Variants in ARHGAP21 observed in about 807,000 individuals in gnomAD.
ARHGAP21 encodes the protein Rho GTPase activating protein 21, also known as rho GTPase-activating protein 21.
Under a neutral mutation model 164.6 loss-of-function variants are expected in ARHGAP21, and 38 were observed. That is an observed-to-expected ratio of 0.23 (90% CI 0.18 to 0.30). ARHGAP21 has a LOEUF of 0.30. Ranked by LOEUF, ARHGAP21 falls within the 10% of genes least tolerant of loss-of-function variation. ARHGAP21 has a pLI of 1.00. For synonymous variants in ARHGAP21, 766 were observed against 857.9 expected, an observed-to-expected ratio of 0.89 and a Z score of 1.87; for missense variants, 1,822 against 2,370.7, an observed-to-expected ratio of 0.77 and a Z score of 4.81.
At position 24,653,087 on chromosome 10, in the gene ARHGAP21, C is replaced by G. The variant is rs111337707; in HGVS notation, c.268+13898G>C. Reference sequence around the variant, plus strand: ...ATCAGCTTTATTGAGGTATAACATACATAAGATAAAAAATACCCATTTTAA... The same window carrying G: ...ATCAGCTTTATTGAGGTATAACATAGATAAGATAAAAAATACCCATTTTAA... On this transcript the variant is annotated intron_variant, in intron 4 of 25. Coordinates refer to ENST00000396432, the MANE Select transcript of ARHGAP21 (RefSeq NM_020824.4). 5.7e-3 allele frequency among the ~76,000 whole-genome samples: 865 copies of G among 152,210 alleles called. 7 individuals are homozygous for G. Among genetic ancestry groups the G allele is most frequent in the Middle Eastern group, 0.024 (7 of 292 alleles).
intron 4 of ARHGAP21, among the ~76,000 whole-genome samples, chr10:24,642,069 T>C (rs1191732398): frequency 1.3e-5 from 2 of 151,784 alleles, no homozygotes; most frequent in Non-Finnish European, 2.9e-5. Flanking sequence ...ATAAAGCCCA[T>C]GAATGCAGCT....
chr10:24,648,947 A>G (rs1471023790), intron 4 of ARHGAP21: 1 of 768,096 alleles, frequency 1.3e-6, no homozygotes, highest in Non-Finnish European at 1.6e-6. Context: ...CTAGAGAAAA[A>G]CAAAATAAAT....
chr10:24,588,033 C>A (rs1035382971), intron 25 of ARHGAP21, among the ~76,000 whole-genome samples: 2 of 152,138 alleles, frequency 1.3e-5, no homozygotes, highest in African/African-American at 4.8e-5. Context: ...CTGCTGGCAA[C>A]AGAGTTAAGG....
intron 4 of ARHGAP21, among the ~76,000 whole-genome samples, chr10:24,648,149 A>AGGCACAGCTAGAGGC (rs1389564456): frequency 6.6e-6 from 1 of 152,030 alleles, no homozygotes; most frequent in Non-Finnish European, 1.5e-5. Flanking sequence ...TGCATATTCT[A>AGGCACAGCTAGAGGC]ATGCTCAGTC....
At chr10:24,698,189 G>C (rs1165493111) in intron 2 of ARHGAP21, among the ~76,000 whole-genome samples, 1 of 151,974 alleles carries the variant, frequency 6.6e-6, no homozygotes, top group Non-Finnish European at 1.5e-5. Context: ...AATTAAACAT[G>C]GTACAACACA....
At chr10:24,656,362 G>A (rs1185602823) in intron 4 of ARHGAP21, among the ~76,000 whole-genome samples, 13 of 106,100 alleles carry the variant, frequency 1.2e-4, no homozygotes, top group African/African-American at 2.8e-4. Context: ...CCCCCCACCC[G>A]GCCAGCCGCC....
At chr10:24,659,196 CA>C (rs1839417211) in intron 4 of ARHGAP21, among the ~76,000 whole-genome samples, 1 of 152,172 alleles carries the variant, frequency 6.6e-6, no homozygotes, top group African/African-American at 2.4e-5. Flanking sequence ...GTATAACCTC[CA>C]AAAATTGAAA....
intron 9 of ARHGAP21, among the ~76,000 whole-genome samples, chr10:24,610,878 T>G (rs1453123394): frequency 6.6e-6 from 1 of 151,936 alleles, no homozygotes; most frequent in Non-Finnish European, 1.5e-5. Flanking sequence ...AAAAGACAAC[T>G]CATGGAAGAA....
At chr10:24,652,708 T>C (rs1294760771) in intron 4 of ARHGAP21, among the ~76,000 whole-genome samples, 1 of 152,160 alleles carries the variant, frequency 6.6e-6, no homozygotes, top group Non-Finnish European at 1.5e-5. Flanking sequence ...ATTAAAGCCA[T>C]AGTCCACACC....
chr10:24,598,510 A>G (rs573615194), intron 14 of ARHGAP21, among the ~76,000 whole-genome samples: 4 of 152,152 alleles, frequency 2.6e-5, no homozygotes, highest in Non-Finnish European at 5.9e-5. Context: ...CACAAGCGGC[A>G]GTTACATTAT....
chr10:24,617,129 T>C (rs1441973977), intron 9 of ARHGAP21, among the ~76,000 whole-genome samples: 1 of 152,194 alleles, frequency 6.6e-6, no homozygotes, highest in Non-Finnish European at 1.5e-5. Context: ...ACTTTTATTC[T>C]TAGTAAATAA....
At chr10:24,695,793 C>T (rs1418404615) in intron 2 of ARHGAP21, among the ~76,000 whole-genome samples, 2 of 151,996 alleles carry the variant, frequency 1.3e-5, no homozygotes, top group Non-Finnish European at 2.9e-5. Context: ...GAACTGAGGC[C>T]CTCAATCCAA....
intron 2 of ARHGAP21, among the ~76,000 whole-genome samples, chr10:24,690,883 AACACACACATAC>A (rs1842715497): frequency 1.3e-5 from 2 of 151,026 alleles, no homozygotes; most frequent in Admixed American, 6.6e-5. Flanking sequence ...CACACACATA[AACACACACATAC>A]ACACACACAC....
At chr10:24,663,861 G>A (rs1332920913) in intron 4 of ARHGAP21, among the ~76,000 whole-genome samples, 2 of 152,078 alleles carry the variant, frequency 1.3e-5, no homozygotes, top group Middle Eastern at 3.2e-3. Flanking sequence ...GGGCTGCCCT[G>A]TGCACTGTTT....
chr10:24,626,396 T>C (rs1835143497), intron 7 of ARHGAP21, among the ~76,000 whole-genome samples: 1 of 152,194 alleles, frequency 6.6e-6, no homozygotes, highest in African/African-American at 2.4e-5. Flanking sequence ...GATTAGGTCA[T>C]GAGGGTAGAC....
At chr10:24,669,886 T>C (rs1244639980) in intron 3 of ARHGAP21, among the ~76,000 whole-genome samples, 4 of 152,218 alleles carry the variant, frequency 2.6e-5, no homozygotes, top group Non-Finnish European at 5.9e-5. Context: ...TTCCTTTGCA[T>C]AGTCTGCCCA....
In ARHGAP21 at chr10:24,625,114, T is replaced by C. The variant is rs554274144; in HGVS notation, c.496-2352A>G. On this transcript the variant is annotated intron_variant, in intron 7 of 25. Transcript: ENST00000396432. ...AAGATGACCCAAAGAATTCTTTCTT[T>C]GTAATTAGAACTCCAAACAGTATGT... Among the ~76,000 whole-genome samples, 17 of 146,358 alleles carry C rather than the reference T, an allele frequency of 1.2e-4. No homozygotes were observed. The East Asian group carries it at 3.5e-3, about 30-fold the overall frequency.
rs769472449 is a variant in ARHGAP21, at chr10:24,596,647, T to A, written c.3477+93A>T. 12 of 1,530,818 alleles carry A rather than the reference T, an allele frequency of 7.8e-6. No homozygotes were observed. In the Admixed American group the frequency reaches 2.4e-4, roughly 30 times the overall value. 94.8% of individuals were successfully genotyped at this position (1,530,818 alleles called of 1,614,324 possible). A position where few individuals can be genotyped will look rare whatever the true frequency, so the allele number is the denominator to read the frequency against. ...TATGAAAAGGAAAACAGATTGACAG[T>A]CTCTGTTGTCTGAAAGGCTATATAC... On this transcript the variant is annotated intron_variant, in intron 17 of 25. Transcript: ENST00000396432.
At chr10:24,622,020 A>G (rs1834590905) in intron 8 of ARHGAP21, among the ~76,000 whole-genome samples, 1 of 152,210 alleles carries the variant, frequency 6.6e-6, no homozygotes, top group African/African-American at 2.4e-5. Context: ...ATCGTTCTGT[A>G]TATAATTTAT....
Sources: allele counts gnomAD v4.1 joint callset (sites outside exome capture counted in the v4.1 genomes callset), GRCh38; gene constraint gnomAD v4.1.1; transcripts MANE v1.5; gene names NCBI Gene and HGNC (gene_info 2026-07-23, HGNC 2026-07-21).